Variants in ABI3BP observed in about 807,000 individuals in gnomAD.
ABI3BP encodes the protein ABI family member 3 binding protein, also known as target of Nesh-SH3.
ABI3BP carries 216 observed loss-of-function variants against 268.6 expected under a neutral mutation model. That is an observed-to-expected ratio of 0.80 (90% CI 0.72 to 0.90). The LOEUF (loss-of-function observed/expected upper bound fraction) is 0.90, where lower values mean the gene tolerates loss of function less well. Ranked by LOEUF, ABI3BP falls within the 40% of genes least tolerant of loss-of-function variation. ABI3BP has a pLI of 0.00. For synonymous variants in ABI3BP, 730 were observed against 730.0 expected (o/e 1.00, Z 0.00); for missense variants, 2,090 against 2,182.4 (o/e 0.96, Z 0.84).
At chr3:100,959,276 G>A (rs956143357) in intron 1 of ABI3BP, among the ~76,000 whole-genome samples, 1 of 151,602 alleles carries the variant, frequency 6.6e-6, no homozygotes, top group Non-Finnish European at 1.5e-5. Flanking sequence ...GGATCACGAG[G>A]TCAGGAGATC....
rs2056553993 is a variant in ABI3BP at position 100,911,681 on chromosome 3, C to T, written c.260-8995G>A. On this transcript the variant is annotated intron_variant, in intron 2 of 67. Coordinates refer to ENST00000471714, the MANE Select transcript of ABI3BP (RefSeq NM_001375547.2). ...TATAACCTAGTTGTTCAGAAATATC[C>T]AGATTGGCAACCACTAAAGGTACCC... 4.0e-6 allele frequency: 3 copies of T among 750,678 alleles called. No homozygotes were observed. The Admixed American group carries it at 5.5e-5, about 14-fold the overall frequency. 46.5% of individuals were successfully genotyped at this position (750,678 alleles called of 1,614,324 possible).
chr3:100,874,015 C>T (rs2099136034), intron 9 of ABI3BP, among the ~76,000 whole-genome samples: 1 of 152,134 alleles, frequency 6.6e-6, no homozygotes. Flanking sequence ...TCTACAGCAC[C>T]ATTTCTTCCA....
intron 1 of ABI3BP, among the ~76,000 whole-genome samples, chr3:100,984,060 T>C (rs2090738313): frequency 6.6e-6 from 1 of 152,174 alleles, no homozygotes; most frequent in Non-Finnish European, 1.5e-5. Context: ...AAGATTTATT[T>C]ATCAAGCACT....
intron 56 of ABI3BP, among the ~76,000 whole-genome samples, chr3:100,789,058 A>G (rs1203788857): frequency 6.6e-6 from 1 of 152,114 alleles, no homozygotes; most frequent in Non-Finnish European, 1.5e-5. Context: ...TCAAGTAAAA[A>G]TGTTCTCCCA....
intron 1 of ABI3BP, among the ~76,000 whole-genome samples, chr3:100,947,708 A>C (rs1280041263): frequency 6.6e-6 from 1 of 152,166 alleles, no homozygotes; most frequent in Non-Finnish European, 1.5e-5. Context: ...AGAGGCCAGG[A>C]GACAGAATAA....
In ABI3BP at chr3:100,757,741, A is replaced by G. The variant is rs374529136; in HGVS notation, c.4851-3050T>C. On this transcript the variant is annotated intron_variant, in intron 63 of 67. Coordinates refer to ENST00000471714, the MANE Select transcript of ABI3BP (RefSeq NM_001375547.2). ...CCATTAAAAACATACAACAAATAGA[A>G]CAAAGAAATGACTGGAGTATTTGAG... Among the ~76,000 whole-genome samples the G allele has an allele frequency of 2.0e-5, 3 of 152,286 alleles. 1 individual carries two copies. Among genetic ancestry groups the G allele is most frequent in the African/African-American group, 7.2e-5 (3 of 41,564 alleles).
At chr3:100,954,239 C>T (rs2076087866) in intron 1 of ABI3BP, among the ~76,000 whole-genome samples, 1 of 152,034 alleles carries the variant, frequency 6.6e-6, no homozygotes, top group South Asian at 2.1e-4. Flanking sequence ...GGCATAATAA[C>T]CCAAAACTTG....
At chr3:100,980,634 T>C (rs1361429823) in intron 1 of ABI3BP, among the ~76,000 whole-genome samples, 1 of 152,208 alleles carries the variant, frequency 6.6e-6, no homozygotes, top group Non-Finnish European at 1.5e-5. Flanking sequence ...GAGGAAAATT[T>C]GGAAGTCATC....
intron 60 of ABI3BP, 136 bp from the exon 61 acceptor site, chr3:100,774,809 A>G (rs1390315595): frequency 5.7e-6 from 4 of 701,534 alleles, no homozygotes; most frequent in East Asian, 2.7e-5. Context: ...AAAATTATAC[A>G]TATTCATCCA....
intron 56 of ABI3BP, among the ~76,000 whole-genome samples, 166 bp downstream of exon 56, chr3:100,789,288 C>T (rs991405082): frequency 1.3e-5 from 2 of 152,106 alleles, no homozygotes; most frequent in Non-Finnish European, 2.9e-5. Context: ...AGTCTTGTCA[C>T]ATTTATGGAT....
intron 5 of ABI3BP, 88 bp downstream of exon 5, chr3:100,886,054 A>G: frequency 1.0e-6 from 1 of 1,004,056 alleles, no homozygotes; most frequent in African/African-American, 1.7e-5. Context: ...CTTATTTCAT[A>G]TTATACAATG....
chr3:100,754,442 A>G (rs553562895), intron 64 of ABI3BP, among the ~76,000 whole-genome samples, 170 bp downstream of exon 64: 14 of 152,368 alleles, frequency 9.2e-5, no homozygotes, highest in African/African-American at 2.6e-4. Context: ...GAGGAAAAAT[A>G]TGCATGGTGT....
At chr3:100,911,422 CT>C in intron 2 of ABI3BP, 2 of 286,414 alleles carry the variant, frequency 7.0e-6, no homozygotes, top group Non-Finnish European at 6.5e-6. Context: ...TGCTCATCTC[CT>C]TTTTTCCAAT....
intron 1 of ABI3BP, among the ~76,000 whole-genome samples, chr3:100,941,427 A>C (rs2069170078): frequency 1.3e-5 from 2 of 152,248 alleles, no homozygotes; most frequent in South Asian, 2.1e-4. Context: ...TTTCATCACC[A>C]AATACCCAGA....
chr3:100,778,562 T>C (rs1412085637), intron 58 of ABI3BP, 186 bp from the exon 59 acceptor site: 1 of 611,874 alleles, frequency 1.6e-6, no homozygotes, highest in Non-Finnish European at 2.8e-6. Flanking sequence ...ATGTTGGTAA[T>C]GTCCCCAGGG....
At chr3:100,961,501 C>T (rs745419618) in intron 1 of ABI3BP, among the ~76,000 whole-genome samples, 5 of 152,080 alleles carry the variant, frequency 3.3e-5, no homozygotes, top group Admixed American at 2.0e-4. Flanking sequence ...TGATGGGATA[C>T]CAGTGAGAAC....
At chr3:100,763,461 CT>C (rs1454384388) in intron 63 of ABI3BP, among the ~76,000 whole-genome samples, 1 of 144,968 alleles carries the variant, frequency 6.9e-6, no homozygotes, top group Admixed American at 6.9e-5. Context: ...AAGACTCTGT[CT>C]CAAAAAAAAA....
intron 1 of ABI3BP, among the ~76,000 whole-genome samples, chr3:100,960,556 T>C (rs2078663388): frequency 6.6e-6 from 1 of 152,142 alleles, no homozygotes; most frequent in African/African-American, 2.4e-5. Flanking sequence ...AACAGGAAGA[T>C]TCTTATAGAT....
Position 100,926,301 on chromosome 3 carries a change from C to T in ABI3BP, c.259+1G>A. 1 of 1,613,152 alleles carries T rather than the reference C, an allele frequency of 6.2e-7. No homozygotes were observed. The highest frequency in any genetic ancestry group is 8.5e-7 in the Non-Finnish European group (1 of 1,179,380). On this transcript the variant is annotated splice_donor_variant, in intron 2 of 67. Transcript: ENST00000471714. LOFTEE classifies it high-confidence loss of function. ...CCCAGCCCGATACCCAAACACCTTA[C>T]CAACTATAGCTTCTGTGAATTTCCC... is the stretch of plus-strand genomic sequence containing the variant.
Sources: allele counts gnomAD v4.1 joint callset (sites outside exome capture counted in the v4.1 genomes callset), GRCh38; gene constraint gnomAD v4.1.1; transcripts MANE v1.5; gene names NCBI Gene and HGNC (gene_info 2026-07-23, HGNC 2026-07-21).